The following SLC38A6 variants were observed in gnomAD, a reference collection of about 807,000 sequenced individuals.
SLC38A6 encodes N system amino acid transporter NAT-1.
SLC38A6 carries 73 observed loss-of-function variants against 65.0 expected under a neutral mutation model. The ratio of observed to expected loss-of-function variants is 1.12; its 90% CI spans 0.93 to 1.37. The LOEUF is 1.37. Among genes scored for constraint, SLC38A6 ranks in the 40% most tolerant of loss-of-function variants. SLC38A6 has a pLI of 0.00. For missense variants in SLC38A6, 561 were observed against 531.1 expected (o/e 1.06, Z -0.55); for synonymous variants, 183 against 178.8 (o/e 1.02, Z -0.19).
At chr14:61,055,106 C>CTTTTTTTTTTTTTT (rs1280245361), downstream of SLC38A6, among the ~76,000 whole-genome samples, 3 of 63,282 alleles carry the variant, frequency 4.7e-5, no homozygotes, top group Non-Finnish European at 5.9e-5. Context: ...AAGTCTTTTT[C>CTTTTTTTTTTTTTT]TTTTTTTTTT....
chr14:61,046,900 A>T (rs1360396836), intron 12 of SLC38A6, among the ~76,000 whole-genome samples: 1 of 152,136 alleles, frequency 6.6e-6, no homozygotes, highest in African/African-American at 2.4e-5. Context: ...GAAAGTTAAA[A>T]CAGATTGTCA....
At chr14:61,061,673 C>T (rs1339646345) in intron 15 of SLC38A6, among the ~76,000 whole-genome samples, 3 of 152,200 alleles carry the variant, frequency 2.0e-5, no homozygotes, top group South Asian at 2.1e-4. Context: ...CTTTTTGTGG[C>T]TTAATAGCTC....
At chr14:61,029,357 A>G (rs969866083) in intron 5 of SLC38A6, among the ~76,000 whole-genome samples, 9 of 152,126 alleles carry the variant, frequency 5.9e-5, no homozygotes, top group African/African-American at 1.7e-4. Flanking sequence ...GGATTTCACC[A>G]TGTTGGCCAG....
At chr14:61,039,854 G>A (rs7156470) in intron 8 of SLC38A6, among the ~76,000 whole-genome samples, 1,580 of 151,310 alleles carry the variant, frequency 0.01, 26 homozygotes, top group African/African-American at 0.036. Context: ...ATCAGTTCAG[G>A]AACTATTATT....
intron 5 of SLC38A6, among the ~76,000 whole-genome samples, chr14:61,028,212 A>G (rs1216579876): frequency 6.6e-6 from 1 of 152,190 alleles, no homozygotes; most frequent in Non-Finnish European, 1.5e-5. Context: ...GTCCAAAAGA[A>G]ATAATAGAAA....
At chr14:61,013,181 A>G (rs369252535) in intron 3 of SLC38A6, among the ~76,000 whole-genome samples, 10 of 151,994 alleles carry the variant, frequency 6.6e-5, no homozygotes, top group African/African-American at 1.2e-4. Flanking sequence ...TTTAAAGTCT[A>G]TTTTATCAGA....
At chr14:61,041,621 C>A (rs935964865) in intron 8 of SLC38A6, among the ~76,000 whole-genome samples, 1 of 152,088 alleles carries the variant, frequency 6.6e-6, no homozygotes, top group African/African-American at 2.4e-5. Context: ...TGAATTTGGG[C>A]CTGTGCAGTG....
chr14:61,021,831 CT>C (rs1390678415), intron 5 of SLC38A6, among the ~76,000 whole-genome samples: 2 of 152,006 alleles, frequency 1.3e-5, no homozygotes, highest in Non-Finnish European at 2.9e-5. Flanking sequence ...TTTTTTCTGT[CT>C]TTTTTCGTAG....
At chr14:61,046,322 C>T (rs1288267630) in intron 12 of SLC38A6, among the ~76,000 whole-genome samples, 155 bp downstream of exon 12, 1 of 152,104 alleles carries the variant, frequency 6.6e-6, no homozygotes, top group Non-Finnish European at 1.5e-5. Flanking sequence ...GAGGCCTAAA[C>T]AATTGGATTA....
chr14:61,073,818 A>AT (rs759894891), intron 15 of SLC38A6: 2 of 151,264 alleles, frequency 1.3e-5, no homozygotes, highest in South Asian at 2.1e-4. Context: ...TTATATGGGG[A>AT]TTTTTTTCTG....
At chr14:61,044,089 A>G (rs1047572452) in intron 10 of SLC38A6, among the ~76,000 whole-genome samples, 1 of 152,198 alleles carries the variant, frequency 6.6e-6, no homozygotes, top group African/African-American at 2.4e-5. Context: ...CAGAGGAGAC[A>G]AGAACTGTGA....
chr14:60,987,671 ACACTACTATCT>A (rs1331536403), intron 3 of SLC38A6: 2 of 152,294 alleles, frequency 1.3e-5, no homozygotes, highest in African/African-American at 4.8e-5. Context: ...GGTGTTGTAC[ACACTACTATCT>A]CAGAAATAGT....
At chr14:61,005,340 T>G (rs75247725) in intron 3 of SLC38A6, among the ~76,000 whole-genome samples, 28,954 of 36,808 alleles carry the variant, frequency 0.79, 12,910 homozygotes, top group Non-Finnish European at 0.86. Context: ...AGGGCAATCA[T>G]GCAGGAGAAG....
intron 4 of SLC38A6, among the ~76,000 whole-genome samples, chr14:61,018,569 C>A (rs1429483802): frequency 1.3e-5 from 2 of 152,190 alleles, no homozygotes; most frequent in South Asian, 2.1e-4. Context: ...TGATTCTAGA[C>A]AGCTAGTCAG....
At chr14:61,083,268 T>C (rs949748102) in intron 16 of SLC38A6, among the ~76,000 whole-genome samples, 4 of 152,154 alleles carry the variant, frequency 2.6e-5, no homozygotes, top group African/African-American at 9.7e-5. Flanking sequence ...GTGGGTAGAC[T>C]ACACCTCAGG....
intron 3 of SLC38A6, among the ~76,000 whole-genome samples, chr14:60,994,616 A>G (rs1036566383): frequency 6.6e-6 from 1 of 151,944 alleles, no homozygotes; most frequent in African/African-American, 2.4e-5. Context: ...AAGCAGGAGA[A>G]TCGCTTGAAC....
chr14:60,997,148 A>G (rs1045663455), intron 3 of SLC38A6, among the ~76,000 whole-genome samples: 4 of 152,066 alleles, frequency 2.6e-5, no homozygotes, highest in Admixed American at 1.3e-4. Flanking sequence ...GGGTGTTTAG[A>G]TGGGATCTCA....
At chr14:61,044,686 G>T (rs1454592377) in intron 10 of SLC38A6, among the ~76,000 whole-genome samples, 1 of 151,806 alleles carries the variant, frequency 6.6e-6, no homozygotes, top group African/African-American at 2.4e-5. Flanking sequence ...CACTTAAATG[G>T]TAACTTTTTT....
chr14:60,992,248 C>G (rs1431506640), intron 3 of SLC38A6, among the ~76,000 whole-genome samples: 4 of 152,154 alleles, frequency 2.6e-5, no homozygotes, highest in African/African-American at 9.7e-5. Context: ...TTTAGATGTT[C>G]CAGAGGCTTT....
Sources: allele counts gnomAD v4.1 joint callset (sites outside exome capture counted in the v4.1 genomes callset), GRCh38; gene constraint gnomAD v4.1.1; transcripts MANE v1.5; gene names NCBI Gene and HGNC (gene_info 2026-07-23, HGNC 2026-07-21).